ARK2C: variants seen among roughly 807,000 people sequenced by gnomAD.
ARK2C encodes arkadia (RNF111) C-terminal like ring finger ubiquitin ligase 2C.
the ARK2C span, among the ~76,000 whole-genome samples, chr18:46,347,571 T>G: frequency 6.6e-6 from 1 of 152,116 alleles, no homozygotes; most frequent in Non-Finnish European, 1.5e-5. Flanking sequence ...GGGTACTCAT[T>G]CTTACCTGCC....
chr18:46,419,239 T>G, the ARK2C span, among the ~76,000 whole-genome samples: 2 of 152,046 alleles, frequency 1.3e-5, no homozygotes, highest in African/African-American at 4.8e-5. Context: ...ACTTGGGAGG[T>G]GCAGGTGCTC....
the ARK2C span, among the ~76,000 whole-genome samples, chr18:46,378,573 A>T: frequency 8.5e-5 from 13 of 152,226 alleles, no homozygotes; most frequent in Non-Finnish European, 1.8e-4. Flanking sequence ...TGTATGGTCC[A>T]ATTGTTCCAG....
the ARK2C span, among the ~76,000 whole-genome samples, chr18:46,416,609 AC>A: frequency 6.6e-6 from 1 of 152,132 alleles, no homozygotes; most frequent in East Asian, 1.9e-4. Context: ...TAAAACAACA[AC>A]CTTTTATGCA....
the ARK2C span, among the ~76,000 whole-genome samples, chr18:46,389,725 C>A: frequency 6.6e-6 from 1 of 151,858 alleles, no homozygotes; most frequent in African/African-American, 2.4e-5. Flanking sequence ...GTGAAATGGT[C>A]ATTTCTTTCC....
the ARK2C span, among the ~76,000 whole-genome samples, chr18:46,393,669 T>C: frequency 3.3e-5 from 5 of 152,214 alleles, no homozygotes; most frequent in African/African-American, 4.8e-5. Flanking sequence ...ATCTTCCACA[T>C]GCCTGAAACC....
chr18:46,444,667 C>A, the ARK2C span, among the ~76,000 whole-genome samples: 1 of 150,066 alleles, frequency 6.7e-6, no homozygotes, highest in African/African-American at 2.5e-5. Context: ...GACGTGATAT[C>A]CCACTATGTT....
At chr18:46,385,604 A>C in the ARK2C span, 1 of 152,218 alleles carries the variant, frequency 6.6e-6, no homozygotes, top group South Asian at 2.1e-4. Context: ...ATGCACAGAC[A>C]GAAAATCTTA....
At chr18:46,398,418 T>C in the ARK2C span, among the ~76,000 whole-genome samples, 1 of 151,946 alleles carries the variant, frequency 6.6e-6, no homozygotes, top group Non-Finnish European at 1.5e-5. Context: ...ATCAGGGCTG[T>C]GGAGGGTCTG....
the ARK2C span, among the ~76,000 whole-genome samples, chr18:46,431,503 C>A: frequency 6.6e-6 from 1 of 152,162 alleles, no homozygotes; most frequent in African/African-American, 2.4e-5. Flanking sequence ...GAAGCATCCC[C>A]CAGTTTCACC....
the ARK2C span, among the ~76,000 whole-genome samples, chr18:46,352,745 G>A: frequency 6.6e-5 from 10 of 152,308 alleles, no homozygotes; most frequent in South Asian, 2.1e-4. Flanking sequence ...ACTGGGTCAC[G>A]TAACCACCCT....
chr18:46,395,159 G>A, the ARK2C span, among the ~76,000 whole-genome samples: 17 of 152,322 alleles, frequency 1.1e-4, no homozygotes, highest in African/African-American at 3.8e-4. Flanking sequence ...GATGGAAGTT[G>A]AACCAGTTAT....
At chr18:46,346,606 A>G in the ARK2C span, among the ~76,000 whole-genome samples, 1 of 152,184 alleles carries the variant, frequency 6.6e-6, no homozygotes, top group African/African-American at 2.4e-5. Context: ...TCTGAGCCTC[A>G]GTCTCTTCTA....
the ARK2C span, among the ~76,000 whole-genome samples, chr18:46,420,730 A>C: frequency 6.6e-6 from 1 of 152,142 alleles, no homozygotes. Flanking sequence ...CTGTAATCCC[A>C]GTTACTCAGG....
chr18:46,419,408 G>T, the ARK2C span, among the ~76,000 whole-genome samples: 1 of 152,166 alleles, frequency 6.6e-6, no homozygotes, highest in Non-Finnish European at 1.5e-5. Context: ...CCCCCTGCTA[G>T]GTGGGCAAGC....
chr18:46,382,542 T>C, the ARK2C span, among the ~76,000 whole-genome samples: 1 of 152,354 alleles, frequency 6.6e-6, no homozygotes, highest in Non-Finnish European at 1.5e-5. Context: ...TCACTGCTTA[T>C]TTTACTTACT....
chr18:46,369,142 G>T, the ARK2C span, among the ~76,000 whole-genome samples: 16 of 152,172 alleles, frequency 1.1e-4, no homozygotes, highest in African/African-American at 3.1e-4. Flanking sequence ...GATCTAAAAG[G>T]CCATGTTTTT....
chr18:46,428,977 G>A, the ARK2C span, among the ~76,000 whole-genome samples: 1 of 151,922 alleles, frequency 6.6e-6, no homozygotes, highest in African/African-American at 2.4e-5. Flanking sequence ...TCCCTCTACT[G>A]TGCTTCCCTT....
chr18:46,459,094 A>AG, the ARK2C span: 1 of 152,248 alleles, frequency 6.6e-6, no homozygotes, highest in East Asian at 1.9e-4. Context: ...GGAGGTAGCT[A>AG]GGGTGGTCTA....
the ARK2C span, among the ~76,000 whole-genome samples, chr18:46,347,483 G>T: frequency 6.6e-6 from 1 of 152,178 alleles, no homozygotes; most frequent in Non-Finnish European, 1.5e-5. Flanking sequence ...GTCGCTGCTC[G>T]AGGGAGCTGG....
Sources: gnomAD v4.1 joint callset for allele counts (sites outside exome capture counted in the v4.1 genomes callset) on GRCh38, gnomAD v4.1.1 for gene constraint, MANE v1.5 for transcripts, NCBI Gene and HGNC (gene_info 2026-07-23, HGNC 2026-07-21) for gene names.